The following TIAM1 variants were observed in gnomAD, a reference collection of about 807,000 sequenced individuals.
TIAM1 encodes the protein rho guanine nucleotide exchange factor TIAM1.
In TIAM1, 65 loss-of-function variants were observed where a neutral mutation model predicts 163.5. That is an observed-to-expected ratio of 0.40 (90% CI 0.33 to 0.49). TIAM1 has a LOEUF of 0.49. TIAM1 is among the 20% of genes least tolerant of loss of function. TIAM1 has a pLI of 0.77. For synonymous variants in TIAM1, 833 were observed against 810.1 expected, an observed-to-expected ratio of 1.03 and a Z score of -0.48; for missense variants, 1,789 against 2,044.7, an observed-to-expected ratio of 0.87 and a Z score of 2.41.
chr21:31,390,770 C>T (rs1004018253), intron 2 of TIAM1, among the ~76,000 whole-genome samples: 1 of 152,186 alleles, frequency 6.6e-6, no homozygotes, highest in Non-Finnish European at 1.5e-5. Context: ...CCAGGAAACA[C>T]TGATGTTCAC....
At chr21:31,541,447 ACCC>A (rs2048321424) in intron 1 of TIAM1, among the ~76,000 whole-genome samples, 1 of 152,142 alleles carries the variant, frequency 6.6e-6, no homozygotes, top group Non-Finnish European at 1.5e-5. Flanking sequence ...ACAGAGTGAG[ACCC>A]TGTCTCAAAA....
At chr21:31,461,378 G>C (rs2045320413) in intron 2 of TIAM1, among the ~76,000 whole-genome samples, 2 of 152,098 alleles carry the variant, frequency 1.3e-5, no homozygotes, top group African/African-American at 2.4e-5. Flanking sequence ...CAGCTACTCA[G>C]GAGGCTGAGG....
intron 1 of TIAM1, among the ~76,000 whole-genome samples, chr21:31,487,719 G>A (rs889688951): frequency 6.6e-5 from 10 of 151,634 alleles, no homozygotes; most frequent in African/African-American, 1.9e-4. Flanking sequence ...CACCGCGCCC[G>A]GCTAATTTTT....
chr21:31,169,071 A>G (rs887285629), intron 15 of TIAM1, among the ~76,000 whole-genome samples: 1 of 152,178 alleles, frequency 6.6e-6, no homozygotes, highest in African/African-American at 2.4e-5. Context: ...AGGCGGGTGG[A>G]TCATCTGAGG....
chr21:31,491,879 A>G (rs1424952528), intron 1 of TIAM1, among the ~76,000 whole-genome samples: 1 of 152,228 alleles, frequency 6.6e-6, no homozygotes, highest in Non-Finnish European at 1.5e-5. Context: ...ATCTTGTTAA[A>G]GATAAGAATT....
In TIAM1 at chr21:31,217,750, C is replaced by A. The variant is rs534101873; in HGVS notation, c.1996-51G>T. On this transcript the variant is annotated intron_variant, in intron 8 of 27. Coordinates refer to ENST00000541036, the MANE Select transcript of TIAM1 (RefSeq NM_001353694.2). ...ACAAGGGAGATGCATCAGGACCACC[C>A]ACTTGTGCCTTGAGGTCCCCGTAAG... 7 of 1,589,472 alleles carry A rather than the reference C, an allele frequency of 4.4e-6. No homozygotes were observed. In the Admixed American group the frequency reaches 8.6e-5, roughly 20 times the overall value.
At chr21:31,388,934 A>T (rs2076924395) in intron 2 of TIAM1, among the ~76,000 whole-genome samples, 1 of 152,242 alleles carries the variant, frequency 6.6e-6, no homozygotes, top group African/African-American at 2.4e-5. Context: ...AGCAAGAAGC[A>T]CTGGCTCTGC....
chr21:31,385,889 AATTAT>A (rs199700995), intron 2 of TIAM1, among the ~76,000 whole-genome samples: 2,027 of 132,678 alleles, frequency 0.015, 25 homozygotes, highest in Middle Eastern at 0.043. Flanking sequence ...TAGTTAATAT[AATTAT>A]ATTAGTTAAT....
At chr21:31,511,224 C>A (rs999021829) in intron 1 of TIAM1, among the ~76,000 whole-genome samples, 18 of 152,060 alleles carry the variant, frequency 1.2e-4, no homozygotes, top group African/African-American at 4.3e-4. Flanking sequence ...TAGGGCAACC[C>A]TAGGACACTC....
chr21:31,203,123 G>A, intron 11 of TIAM1, 111 bp from the exon 12 acceptor site: 1 of 897,256 alleles, frequency 1.1e-6, no homozygotes, highest in South Asian at 1.6e-5. Flanking sequence ...GTTTGTTGTT[G>A]TTGTTGTTGT....
intron 1 of TIAM1, among the ~76,000 whole-genome samples, chr21:31,557,449 G>A (rs1181526232): frequency 2.0e-5 from 3 of 152,168 alleles, no homozygotes; most frequent in Non-Finnish European, 4.4e-5. Context: ...CCCCCTAGAG[G>A]TTATTCCTTA....
intron 1 of TIAM1, among the ~76,000 whole-genome samples, chr21:31,509,733 A>G (rs986636135): frequency 6.6e-6 from 1 of 152,200 alleles, no homozygotes; most frequent in African/African-American, 2.4e-5. Context: ...GATAAAAGTC[A>G]GAGGCCCTTC....
intron 2 of TIAM1, among the ~76,000 whole-genome samples, chr21:31,447,824 A>T (rs2044684840): frequency 6.6e-6 from 1 of 152,204 alleles, no homozygotes; most frequent in South Asian, 2.1e-4. Flanking sequence ...GCATGAAGAG[A>T]TTTATTATAA....
chr21:31,223,274 C>T, intron 8 of TIAM1, 132 bp downstream of exon 8: 1 of 1,006,194 alleles, frequency 9.9e-7, no homozygotes, highest in Non-Finnish European at 1.4e-6. Context: ...GCATCCACTG[C>T]AAAGGGAGGG....
chr21:31,303,512 G>GT (rs925807533), intron 2 of TIAM1, among the ~76,000 whole-genome samples: 11 of 151,194 alleles, frequency 7.3e-5, no homozygotes, highest in South Asian at 4.2e-4. Flanking sequence ...CAAAGAATTG[G>GT]TTTTTTTTTC....
At chr21:31,541,806 C>T (rs1246483823) in intron 1 of TIAM1, among the ~76,000 whole-genome samples, 2 of 152,328 alleles carry the variant, frequency 1.3e-5, no homozygotes, top group South Asian at 2.1e-4. Context: ...CTTTTAAATG[C>T]ATTTTATTGT....
chr21:31,209,469 C>G (rs1792454734), intron 11 of TIAM1, among the ~76,000 whole-genome samples: 1 of 152,158 alleles, frequency 6.6e-6, no homozygotes, highest in Non-Finnish European at 1.5e-5. Context: ...TGTCATGTTT[C>G]TAAAAAGGCT....
At chr21:31,223,971 G>A (rs1397778062) in intron 7 of TIAM1, among the ~76,000 whole-genome samples, 1 of 152,160 alleles carries the variant, frequency 6.6e-6, no homozygotes, top group Non-Finnish European at 1.5e-5. Flanking sequence ...AAAGTGAGAC[G>A]AATGAAAGGC....
At chr21:31,277,650 A>C (rs2073358974) in intron 2 of TIAM1, among the ~76,000 whole-genome samples, 1 of 152,194 alleles carries the variant, frequency 6.6e-6, no homozygotes, top group Admixed American at 6.5e-5. Flanking sequence ...CCCGTTTAGC[A>C]TATCATCAAG....
Sources: gnomAD v4.1 joint callset for allele counts (sites outside exome capture counted in the v4.1 genomes callset) on GRCh38, gnomAD v4.1.1 for gene constraint, MANE v1.5 for transcripts, NCBI Gene and HGNC (gene_info 2026-07-23, HGNC 2026-07-21) for gene names.